Variants in NAA25 observed in about 807,000 individuals in gnomAD.
The protein encoded by NAA25 is N-terminal acetyltransferase B complex subunit NAA25.
Under a neutral mutation model 132.5 loss-of-function variants are expected in NAA25, and 30 were observed. The observed-to-expected ratio is 0.23, with a 90% CI of 0.17 to 0.31. NAA25 has a LOEUF of 0.31. Among genes scored for constraint, NAA25 ranks in the 10% least tolerant of loss-of-function variants. NAA25 has a pLI of 1.00. For missense variants in NAA25, 771 were observed against 1,150.4 expected (o/e 0.67, Z 4.77); for synonymous variants, 359 against 401.9 (o/e 0.89, Z 1.28).
At chr12:112,029,833 G>T (rs1007474436) in intron 23 of NAA25, among the ~76,000 whole-genome samples, 180 bp from the exon 24 acceptor site, 1 of 152,114 alleles carries the variant, frequency 6.6e-6, no homozygotes, top group Admixed American at 6.6e-5. Context: ...TCACGAATGG[G>T]TATTTTTCGA....
intron 14 of NAA25, 31 bp from the exon 15 acceptor site, chr12:112,053,688 G>T (rs1350706429): frequency 6.8e-7 from 1 of 1,476,246 alleles, no homozygotes; most frequent in Non-Finnish European, 9.4e-7. Context: ...GAAAAAAAAA[G>T]ACATGTTATA....
At chr12:112,030,666 T>TCAACTTCTAG (rs1195488760) in intron 23 of NAA25, among the ~76,000 whole-genome samples, 1 of 152,188 alleles carries the variant, frequency 6.6e-6, no homozygotes, top group African/African-American at 2.4e-5. Flanking sequence ...TGAAGTTGAG[T>TCAACTTCTAG]GCTGCAGAGC....
In NAA25 at chr12:112,035,658, T is replaced by A. The variant is rs945217218; in HGVS notation, c.2650-2279A>T. On this transcript the variant is annotated intron_variant, in intron 22 of 23. Transcript: ENST00000261745. ...TTAACTGAATTGTTCAGAAAGTCAA[T>A]TTACAACTGAAACATCAACTTTCTT... Among the ~76,000 whole-genome samples the A allele has an allele frequency of 6.6e-5, 10 of 150,974 alleles. 1 individual carries two copies. Among genetic ancestry groups the A allele is most frequent in the Non-Finnish European group, 1.0e-4 (7 of 67,990 alleles).
At chr12:112,038,836 G>A (rs1230574642) in intron 22 of NAA25, among the ~76,000 whole-genome samples, 3 of 152,048 alleles carry the variant, frequency 2.0e-5, no homozygotes, top group African/African-American at 7.2e-5. Context: ...AAAATTAGCC[G>A]GGTGTGGTGG....
Position 112,072,031 on chromosome 12 carries a change from T to G in NAA25, c.900A>C (p.Glu300Asp). The G allele has an allele frequency of 6.2e-7, 1 of 1,613,930 alleles. No individual in the cohort carries two copies. The highest frequency in any genetic ancestry group is 1.1e-5 in the South Asian group (1 of 91,008). ...SLEGEVHYSA[E>D]KAVKFIEDRI... ...GATCTTCTATAAACTTCACAGCTTT[T>G]TCTGCAGAATAATGTACTTCTCCTT... Residue 300 changes from glutamate to aspartate, a missense_variant, in exon 10 of 24, where the codon GAA (glutamate) becomes GAC (aspartate). This residue lies in a region of NAA25 where 417 missense variants were observed against 733.8 expected (regional missense o/e 0.57). Coordinates refer to ENST00000261745, the MANE Select transcript of NAA25 (RefSeq NM_024953.4).
At chr12:112,058,767 C>T (rs978281384) in intron 13 of NAA25, among the ~76,000 whole-genome samples, 1 of 151,900 alleles carries the variant, frequency 6.6e-6, no homozygotes, top group East Asian at 1.9e-4. Context: ...CTACTAAAAA[C>T]ACAAAAACTG....
At chr12:112,095,187 C>T (rs544421963) in intron 1 of NAA25, among the ~76,000 whole-genome samples, 2 of 151,978 alleles carry the variant, frequency 1.3e-5, no homozygotes, top group African/African-American at 4.8e-5. Flanking sequence ...CCTGTAATCC[C>T]AGCACTTTGG....
chr12:112,090,484 G>T, intron 3 of NAA25: 1 of 357,668 alleles, frequency 2.8e-6, no homozygotes, highest in Non-Finnish European at 5.0e-6. Flanking sequence ...TAAGGGTGAA[G>T]CCTCCATTTA....
intron 4 of NAA25, among the ~76,000 whole-genome samples, chr12:112,082,054 T>C (rs996501680): frequency 2.0e-5 from 3 of 151,992 alleles, no homozygotes; most frequent in Non-Finnish European, 2.9e-5. Flanking sequence ...AGTTCGAGAC[T>C]AGCTGAGCCA....
intron 19 of NAA25, 91 bp downstream of exon 19, chr12:112,042,996 TA>T: frequency 7.6e-7 from 1 of 1,313,222 alleles, no homozygotes; most frequent in Admixed American, 2.3e-5. Context: ...CCATGTACTC[TA>T]AAATTTTCCA....
At chr12:112,044,790 C>T (rs1051431252) in intron 17 of NAA25, among the ~76,000 whole-genome samples, 1 of 151,640 alleles carries the variant, frequency 6.6e-6, no homozygotes, top group Non-Finnish European at 1.5e-5. Context: ...ACCTGTAATC[C>T]CAGCACTTTG....
chr12:112,070,591 C>T (rs1193110796), intron 10 of NAA25, among the ~76,000 whole-genome samples: 5 of 151,774 alleles, frequency 3.3e-5, no homozygotes, highest in South Asian at 2.1e-4. Flanking sequence ...TGTTGTTTTG[C>T]GACAGAGTCT....
chr12:112,028,138 A>T lies in NAA25; in HGVS notation c.*1393T>A, dbSNP rs187084976. ...CTCTTGGTTGCTTTTAAAAGAAAAA[A>T]GTACCACATTTCACTGGAGCAGTGC... is the stretch of plus-strand genomic sequence containing the variant. On this transcript the variant is annotated 3_prime_UTR_variant, in exon 24 of 24. Coordinates refer to ENST00000261745, the MANE Select transcript of NAA25 (RefSeq NM_024953.4). The T allele has an allele frequency of 6.6e-6, 1 of 152,230 alleles. No homozygotes were observed. Among genetic ancestry groups the T allele is most frequent in the African/African-American group, 2.4e-5 (1 of 41,460 alleles). The allele number at this position is 152,230 out of a possible 1,614,324, so 9.4% of individuals were successfully genotyped here. A position where few individuals can be genotyped will look rare whatever the true frequency, so the allele number is the denominator to read the frequency against.
chr12:112,053,091 C>T (rs1316698897), intron 15 of NAA25, among the ~76,000 whole-genome samples: 3 of 152,164 alleles, frequency 2.0e-5, no homozygotes, highest in Admixed American at 6.6e-5. Flanking sequence ...CTAGGTTTCT[C>T]GGAATGCCTT....
At chr12:112,040,018 A>G (rs1221208635) in intron 21 of NAA25, 2 of 155,636 alleles carry the variant, frequency 1.3e-5, no homozygotes, top group Non-Finnish European at 2.8e-5. Flanking sequence ...AAAAGAAAAG[A>G]TAATAGATTA....
intron 16 of NAA25, 135 bp downstream of exon 16, chr12:112,048,157 G>T: frequency 1.2e-6 from 1 of 818,486 alleles, no homozygotes. Flanking sequence ...GCCAAGTTCT[G>T]TTTCCCCACT....
At chr12:112,085,801 T>C (rs1261484977) in intron 4 of NAA25, among the ~76,000 whole-genome samples, 1 of 150,162 alleles carries the variant, frequency 6.7e-6, no homozygotes, top group Non-Finnish European at 1.5e-5. Context: ...GAGCGGATCA[T>C]GAGGTCAGGA....
intron 7 of NAA25, 109 bp downstream of exon 7, chr12:112,078,079 T>A: frequency 2.8e-6 from 2 of 719,218 alleles, no homozygotes; most frequent in Non-Finnish European, 4.7e-6. Context: ...AACAAAATGA[T>A]CAAAAGTGTT....
chr12:112,101,699 G>C (rs2079298172), intron 1 of NAA25, among the ~76,000 whole-genome samples: 1 of 151,914 alleles, frequency 6.6e-6, no homozygotes. Context: ...GGAGGTTGCA[G>C]CGAGTGGAGA....
Sources: allele counts gnomAD v4.1 joint callset (sites outside exome capture counted in the v4.1 genomes callset), GRCh38; gene constraint gnomAD v4.1.1; regional missense constraint gnomAD v4.1.1; transcripts MANE v1.5; gene names NCBI Gene and HGNC (gene_info 2026-07-23, HGNC 2026-07-21).